The following NUBPL variants were observed in gnomAD, a reference collection of about 807,000 sequenced individuals.
The protein encoded by NUBPL is iron-sulfur cluster transfer protein NUBPL.
A neutral mutation model predicts 45.7 loss-of-function variants in NUBPL; 31 were observed. The ratio of observed to expected loss-of-function variants is 0.68; its 90% CI spans 0.51 to 0.92. The LOEUF is 0.92. Among genes scored for constraint, NUBPL ranks in the 40% least tolerant of loss-of-function variants. The pLI, the probability that NUBPL is intolerant of heterozygous loss-of-function variation, is 0.00. For missense variants in NUBPL, 401 were observed against 398.7 expected (o/e 1.01, Z -0.05); for synonymous variants, 144 against 140.9 (o/e 1.02, Z -0.15).
chr14:31,846,679 G>T, intron 9 of NUBPL, 88 bp downstream of exon 9: 1 of 1,570,980 alleles, frequency 6.4e-7, no homozygotes, highest in African/African-American at 1.3e-5. Flanking sequence ...CTCAGAGGCC[G>T]GGCACGGAGT....
intron 4 of NUBPL, among the ~76,000 whole-genome samples, chr14:31,603,091 A>C (rs1026184010): frequency 1.3e-5 from 2 of 152,022 alleles, no homozygotes; most frequent in Non-Finnish European, 2.9e-5. Flanking sequence ...GTGGGAGGAC[A>C]GCTTGAGCCC....
intron 4 of NUBPL, among the ~76,000 whole-genome samples, chr14:31,605,042 C>T (rs1452529567): frequency 6.6e-6 from 1 of 152,154 alleles, no homozygotes; most frequent in Non-Finnish European, 1.5e-5. Flanking sequence ...AGAATAAAAC[C>T]TAAACGTCCT....
chr14:31,672,041 A>T (rs973753341), intron 4 of NUBPL, among the ~76,000 whole-genome samples: 1 of 152,190 alleles, frequency 6.6e-6, no homozygotes, highest in Non-Finnish European at 1.5e-5. Context: ...AGGTGATTGC[A>T]TAGATAGTTT....
intron 4 of NUBPL, among the ~76,000 whole-genome samples, chr14:31,624,866 A>G (rs1595386003): frequency 1.3e-5 from 2 of 152,252 alleles, no homozygotes; most frequent in African/African-American, 4.8e-5. Context: ...TGCCTGGCCA[A>G]CTGAAGACAT....
At chr14:31,818,446 T>A (rs2039961443) in intron 7 of NUBPL, among the ~76,000 whole-genome samples, 2 of 152,354 alleles carry the variant, frequency 1.3e-5, no homozygotes, top group South Asian at 2.1e-4. Flanking sequence ...TTTGTTTTTT[T>A]CTTCTTCATC....
intron 6 of NUBPL, among the ~76,000 whole-genome samples, chr14:31,744,860 TCCATCCACC>T (rs1365933055): frequency 6.6e-6 from 1 of 151,840 alleles, no homozygotes; most frequent in East Asian, 1.9e-4. Context: ...GACCTTGTGT[TCCATCCACC>T]TCAGCCTCCC....
At chr14:31,599,213 C>A (rs762793385) in intron 3 of NUBPL, 76 bp from the exon 4 acceptor site, 4 of 1,124,128 alleles carry the variant, frequency 3.6e-6, no homozygotes, top group Non-Finnish European at 5.3e-6. Flanking sequence ...ATATGCTTCA[C>A]CTTTGAGAAG....
intron 6 of NUBPL, among the ~76,000 whole-genome samples, chr14:31,719,133 A>G (rs2037752738): frequency 2.0e-5 from 3 of 152,200 alleles, no homozygotes; most frequent in Admixed American, 2.0e-4. Flanking sequence ...ACAGCACACT[A>G]AAGAATATGT....
intron 6 of NUBPL, among the ~76,000 whole-genome samples, chr14:31,759,204 A>G (rs1158559253): frequency 6.6e-6 from 1 of 152,018 alleles, no homozygotes; most frequent in African/African-American, 2.4e-5. Context: ...TTCTTTTTTA[A>G]ATTTCTTTGT....
chr14:31,769,293 TAA>T (rs2038966353), intron 6 of NUBPL, among the ~76,000 whole-genome samples: 1 of 152,216 alleles, frequency 6.6e-6, no homozygotes, highest in Non-Finnish European at 1.5e-5. Flanking sequence ...TGATAATTTT[TAA>T]AGAGTCACAT....
chr14:31,678,575 C>T (rs895185910), intron 6 of NUBPL, among the ~76,000 whole-genome samples: 20 of 152,182 alleles, frequency 1.3e-4, no homozygotes, highest in Admixed American at 1.3e-3. Context: ...CAGGGTGTGT[C>T]TAGGAATGTC....
At chr14:31,791,636 G>C (rs1204225039) in intron 7 of NUBPL, among the ~76,000 whole-genome samples, 10 of 152,146 alleles carry the variant, frequency 6.6e-5, no homozygotes, top group Non-Finnish European at 1.5e-4. Flanking sequence ...TGGCTGGTAA[G>C]AAAAGGACAT....
In NUBPL at chr14:31,839,489, A is replaced by G. The variant is rs111950818; in HGVS notation, c.694-6982A>G. ...CAAAATGAAGTAAAGACTTACATGT[A>G]AGACCTGAAACTATGAAAGTATTAG... On this transcript the variant is annotated intron_variant, in intron 8 of 10. Transcript: ENST00000281081. 6.9e-3 allele frequency among the ~76,000 whole-genome samples: 1,047 copies of G among 152,338 alleles called. 13 individuals carry two copies. The highest frequency in any genetic ancestry group is 0.024 in the African/African-American group (985 of 41,584).
chr14:31,605,732 C>A (rs2034568585), intron 4 of NUBPL, among the ~76,000 whole-genome samples: 2 of 150,686 alleles, frequency 1.3e-5, no homozygotes, highest in African/African-American at 4.9e-5. Context: ...TTTCTTCTTT[C>A]TTCTTCTTCT....
At chr14:31,615,120 T>C (rs2034863439) in intron 4 of NUBPL, among the ~76,000 whole-genome samples, 1 of 152,114 alleles carries the variant, frequency 6.6e-6, no homozygotes, top group Admixed American at 6.6e-5. Context: ...TCCCATGCTG[T>C]TCTCATGATA....
At chr14:31,639,318 C>G (rs2035608382) in intron 4 of NUBPL, among the ~76,000 whole-genome samples, 1 of 152,140 alleles carries the variant, frequency 6.6e-6, no homozygotes, top group Non-Finnish European at 1.5e-5. Context: ...CCCTCAGCTG[C>G]AGGTCTGTTG....
chr14:31,562,228 A>G lies in NUBPL; in HGVS notation c.256+13A>G. On this transcript the variant is annotated intron_variant, in intron 2 of 10. Transcript: ENST00000281081. ...TCTACTACAGCAGGTATTATAGGAT[A>G]TTAATTCTATTCCTGATTAAGAACT... 2 of 1,605,008 alleles carry G rather than the reference A, an allele frequency of 1.2e-6. No individual in the cohort carries two copies. The highest frequency in any genetic ancestry group is 3.3e-4 in the Middle Eastern group (2 of 6,028).
intron 6 of NUBPL, among the ~76,000 whole-genome samples, chr14:31,679,704 C>T (rs945204384): frequency 3.3e-5 from 5 of 152,224 alleles, no homozygotes; most frequent in South Asian, 2.1e-4. Flanking sequence ...CATTTTCCAA[C>T]TGTGTTTTTT....
Position 31,859,166 on chromosome 14 carries a change from T to C in NUBPL, c.946T>C (p.Ser316Pro), listed in dbSNP as rs1216962622. ...TGTGGAAGTGGTAAGAAGATTGCCA[T>C]CACCTTCAGAATGATTCCCCAAGTG... ...IAVEVVRRLPSPSE is the reference protein window; with the variant it reads ...IAVEVVRRLPPPSE The change falls in exon 11 of 11, where the codon TCA becomes CCA. Residue 316 changes from serine (S) to proline (P), a missense_variant. Physicochemically the swap from Ser to Pro is moderately conservative, Grantham distance 74. Coordinates refer to ENST00000281081, the MANE Select transcript of NUBPL (RefSeq NM_025152.3). 1 of 1,613,766 alleles carries C rather than the reference T, an allele frequency of 6.2e-7. No homozygotes were observed. Among genetic ancestry groups the C allele is most frequent in the South Asian group, 1.1e-5 (1 of 91,084 alleles).
Sources: allele counts gnomAD v4.1 joint callset (sites outside exome capture counted in the v4.1 genomes callset), GRCh38; gene constraint gnomAD v4.1.1; transcripts MANE v1.5; gene names NCBI Gene and HGNC (gene_info 2026-07-23, HGNC 2026-07-21).